DSCAM: variants seen among roughly 807,000 people sequenced by gnomAD.
DSCAM encodes the protein cell adhesion molecule DSCAM.
In DSCAM, 47 loss-of-function variants were observed where a neutral mutation model predicts 217.7. The observed-to-expected ratio is 0.22, with a 90% CI of 0.17 to 0.28. The LOEUF (loss-of-function observed/expected upper bound fraction) is 0.28, where lower values mean the gene tolerates loss of function less well. DSCAM is among the 10% of genes least tolerant of loss of function. DSCAM has a pLI of 1.00. For missense variants in DSCAM, 2,080 were observed against 2,618.3 expected (o/e 0.79, Z 4.49); for synonymous variants, 1,056 against 1,015.3 (o/e 1.04, Z -0.76).
intron 3 of DSCAM, among the ~76,000 whole-genome samples, chr21:40,661,446 C>T (rs570560333): frequency 5.3e-5 from 8 of 152,126 alleles, no homozygotes; most frequent in East Asian, 3.9e-4. Context: ...TACAATTATT[C>T]GACAACAAAA....
intron 3 of DSCAM, among the ~76,000 whole-genome samples, chr21:40,534,644 T>C (rs1426691971): frequency 6.6e-6 from 1 of 152,210 alleles, no homozygotes; most frequent in Non-Finnish European, 1.5e-5. Flanking sequence ...AGCTCTGCCT[T>C]GAAAAACATT....
chr21:40,344,091 A>C (rs2074531414), intron 6 of DSCAM, among the ~76,000 whole-genome samples: 2 of 151,646 alleles, frequency 1.3e-5, no homozygotes, highest in African/African-American at 2.4e-5. Flanking sequence ...CAGAGACAGG[A>C]TTTTGCCATG....
chr21:40,770,957 T>C (rs2091438836), intron 1 of DSCAM, among the ~76,000 whole-genome samples: 1 of 152,154 alleles, frequency 6.6e-6, no homozygotes, highest in Admixed American at 6.5e-5. Flanking sequence ...TCTTTTCTTC[T>C]GGAAACTTCC....
chr21:40,723,673 T>C (rs1300521204), intron 1 of DSCAM, among the ~76,000 whole-genome samples: 1 of 152,222 alleles, frequency 6.6e-6, no homozygotes, highest in Admixed American at 6.5e-5. Flanking sequence ...ATACTACATA[T>C]AACTAAAGAG....
chr21:40,112,542 C>A (rs189700836), intron 20 of DSCAM, among the ~76,000 whole-genome samples: 14 of 152,080 alleles, frequency 9.2e-5, no homozygotes, highest in African/African-American at 3.1e-4. Context: ...CAAAAGCTAG[C>A]AGAAGGCAAG....
chr21:40,835,573 G>A (rs2092049522), intron 1 of DSCAM, among the ~76,000 whole-genome samples: 1 of 151,966 alleles, frequency 6.6e-6, no homozygotes, highest in South Asian at 2.1e-4. Context: ...TTTCAAAACG[G>A]CCACTCAAAA....
rs370606714 is a variant in DSCAM at position 40,134,063 on chromosome 21, G to A, written c.3407-54C>T. On this transcript the variant is annotated intron_variant, in intron 18 of 32. Coordinates refer to ENST00000400454, the MANE Select transcript of DSCAM (RefSeq NM_001389.5). ...CCCACTTCTGAGCCCATTTCTGCTC[G>A]TTTTTCCGCACTGTCCCCACTGACT... is the stretch of plus-strand genomic sequence containing the variant. The A allele has an allele frequency of 9.4e-5, 147 of 1,564,088 alleles. 3 individuals carry two copies. The highest frequency in any genetic ancestry group is 7.1e-4 in the East Asian group (31 of 43,772).
At chr21:40,178,801 G>A (rs554551159) in intron 15 of DSCAM, 126 bp downstream of exon 15, 100 of 1,135,936 alleles carry the variant, frequency 8.8e-5, no homozygotes, top group Admixed American at 1.9e-4. Context: ...ACAGAACTAC[G>A]GAGAGCACGC....
At chr21:40,610,844 C>T (rs1411721278) in intron 3 of DSCAM, among the ~76,000 whole-genome samples, 1 of 152,134 alleles carries the variant, frequency 6.6e-6, no homozygotes, top group African/African-American at 2.4e-5. Context: ...TGCAGGACTT[C>T]TCAGGGCTTT....
intron 3 of DSCAM, among the ~76,000 whole-genome samples, chr21:40,477,864 G>T (rs866233514): frequency 6.6e-6 from 1 of 151,964 alleles, no homozygotes; most frequent in South Asian, 2.1e-4. Flanking sequence ...TGTCAGTAAA[G>T]TGTAATATAC....
At chr21:40,098,046 G>A (rs2089705863) in intron 20 of DSCAM, among the ~76,000 whole-genome samples, 1 of 148,250 alleles carries the variant, frequency 6.7e-6, no homozygotes, top group African/African-American at 2.5e-5. Flanking sequence ...ACACAAATAG[G>A]TTAAAAATAA....
chr21:40,082,721 TCCCTTCA>T (rs2089480755), intron 24 of DSCAM, among the ~76,000 whole-genome samples: 1 of 150,628 alleles, frequency 6.6e-6, no homozygotes. Context: ...AAAAAGATCT[TCCCTTCA>T]CCCATTGGAG....
intron 11 of DSCAM, among the ~76,000 whole-genome samples, chr21:40,228,033 T>C (rs1314844245): frequency 6.6e-6 from 1 of 152,184 alleles, no homozygotes; most frequent in Non-Finnish European, 1.5e-5. Context: ...GGTCAGGAAT[T>C]ATGTAGAATA....
chr21:40,730,422 T>C (rs187377840), intron 1 of DSCAM, among the ~76,000 whole-genome samples: 108 of 152,318 alleles, frequency 7.1e-4, no homozygotes, highest in African/African-American at 2.4e-3. Flanking sequence ...AAGTTATTAC[T>C]GGAATGTTTT....
intron 3 of DSCAM, among the ~76,000 whole-genome samples, chr21:40,570,899 A>G (rs536774261): frequency 3.9e-5 from 6 of 152,230 alleles, no homozygotes; most frequent in South Asian, 2.1e-4. Context: ...ATCAATCAAT[A>G]TAAACAATTG....
chr21:40,138,725 G>A (rs879894540), intron 18 of DSCAM, among the ~76,000 whole-genome samples: 8 of 142,910 alleles, frequency 5.6e-5, no homozygotes, highest in South Asian at 2.3e-4. Flanking sequence ...TGGTGTGTAT[G>A]TATGTGGTGT....
chr21:40,052,599 C>T (rs2088951381), intron 29 of DSCAM, among the ~76,000 whole-genome samples: 2 of 152,164 alleles, frequency 1.3e-5, no homozygotes, highest in South Asian at 4.1e-4. Flanking sequence ...CTGAACTTGG[C>T]TAATGTTTGG....
chr21:40,621,832 A>G (rs3827218), intron 3 of DSCAM, among the ~76,000 whole-genome samples: 10,124 of 148,476 alleles, frequency 0.068, 410 homozygotes, highest in South Asian at 0.15. Context: ...AAAGGGATGG[A>G]TCAAGATGAA....
At chr21:40,101,707 T>C (rs1047616708) in intron 20 of DSCAM, among the ~76,000 whole-genome samples, 5 of 152,064 alleles carry the variant, frequency 3.3e-5, no homozygotes, top group African/African-American at 1.2e-4. Context: ...ATGTAAAATA[T>C]GCATGTTGCT....
Sources: allele counts gnomAD v4.1 joint callset (sites outside exome capture counted in the v4.1 genomes callset), GRCh38; gene constraint gnomAD v4.1.1; transcripts MANE v1.5; gene names NCBI Gene and HGNC (gene_info 2026-07-23, HGNC 2026-07-21).